The following KNTC1 variants were observed in gnomAD, a reference collection of about 807,000 sequenced individuals.
KNTC1 encodes kinetochore-associated protein 1.
In KNTC1, 253 loss-of-function variants were observed where a neutral mutation model predicts 314.4. That is an observed-to-expected ratio of 0.80 (90% CI 0.73 to 0.89). The LOEUF is 0.89. KNTC1 is among the 40% of genes least tolerant of loss of function. The pLI, the probability that KNTC1 is intolerant of heterozygous loss-of-function variation, is 0.00. For synonymous variants in KNTC1, 901 were observed against 901.4 expected (o/e 1.00, Z 0.01); for missense variants, 2,475 against 2,572.9 (o/e 0.96, Z 0.82).
intron 26 of KNTC1, among the ~76,000 whole-genome samples, chr12:122,573,745 G>A (rs1964847713): frequency 6.6e-6 from 1 of 152,204 alleles, no homozygotes; most frequent in Admixed American, 6.5e-5. Flanking sequence ...GTCACAGATA[G>A]GTGATACAAA....
In KNTC1 at chr12:122,615,092, T is replaced by C; in HGVS notation, c.5973+6T>C. ...AGCTTCTGGGCTTCAATATGGTAAG[T>C]AAGACTCAATGCCCTCGACTAAGTA... is the stretch of plus-strand genomic sequence containing the variant. On this transcript the variant is annotated splice_donor_region_variant and intron_variant, in intron 56 of 63. Transcript: ENST00000333479. 6.3e-7 allele frequency: 1 copy of C among 1,583,600 alleles called. No individual in the cohort carries two copies.
At chr12:122,605,853 T>C (rs935107078) in intron 51 of KNTC1, among the ~76,000 whole-genome samples, 1 of 151,780 alleles carries the variant, frequency 6.6e-6, no homozygotes. Context: ...CTCTTTTGTT[T>C]GTTTTTTAAA....
At chr12:122,567,958 T>C (rs554545889) in intron 20 of KNTC1, among the ~76,000 whole-genome samples, 1 of 152,258 alleles carries the variant, frequency 6.6e-6, no homozygotes, top group African/African-American at 2.4e-5. Flanking sequence ...AGATCCCATC[T>C]CAAAAAAACA....
rs1419369252 is a variant in KNTC1, at chr12:122,585,618, G to T, written c.3535-18G>T. 6.2e-7 allele frequency: 1 copy of T among 1,610,612 alleles called. No homozygotes were observed. The highest frequency in any genetic ancestry group is 8.5e-7 in the Non-Finnish European group (1 of 1,178,898). The stretch of plus-strand genomic sequence containing the variant: ...CAGCGTACTGAGTTCTCTCTTTTTT[G>T]TATGATTTGGCACCTAGGCTTCTTT... On this transcript the variant is annotated intron_variant, in intron 36 of 63. Coordinates refer to ENST00000333479, the MANE Select transcript of KNTC1 (RefSeq NM_014708.6).
intron 3 of KNTC1, among the ~76,000 whole-genome samples, chr12:122,536,813 C>T (rs1327824271): frequency 6.6e-6 from 1 of 152,158 alleles, no homozygotes; most frequent in Admixed American, 6.5e-5. Context: ...CCACTGCACC[C>T]GGCCATTAAA....
chr12:122,573,032 A>G lies in KNTC1; in HGVS notation c.2115A>G (p.Lys705=), dbSNP rs766000420. 3.7e-6 allele frequency: 6 copies of G among 1,611,986 alleles called. No individual in the cohort carries two copies. The highest frequency in any genetic ancestry group is 1.7e-5 in the Admixed American group (1 of 59,638). The change falls in exon 25 of 64, where the codon AAA becomes AAG. Residue 705 remains lysine, a synonymous_variant. Transcript: ENST00000333479. ...LITLHRKYNC[K]LALSDFEKEN... ...CGTTGCATAGGAAGTACAACTGCAAATTAGCCCTCTCTGATTTTGAGAAGG... is the reference window on the plus strand; with the variant it reads ...CGTTGCATAGGAAGTACAACTGCAAGTTAGCCCTCTCTGATTTTGAGAAGG...
chr12:122,623,676 G>A (rs1218638690), intron 62 of KNTC1, among the ~76,000 whole-genome samples: 4 of 152,166 alleles, frequency 2.6e-5, no homozygotes, highest in Admixed American at 6.6e-5. Context: ...CCTCTGTGAA[G>A]TTGATTACAT....
At chr12:122,578,797 T>C (rs1339001339) in intron 31 of KNTC1, among the ~76,000 whole-genome samples, 1 of 152,172 alleles carries the variant, frequency 6.6e-6, no homozygotes, top group Non-Finnish European at 1.5e-5. Flanking sequence ...TTTTTTGCTG[T>C]TGGAAAATGA....
intron 40 of KNTC1, among the ~76,000 whole-genome samples, chr12:122,589,579 T>C (rs1274557287): frequency 2.0e-5 from 3 of 149,206 alleles, no homozygotes; most frequent in African/African-American, 7.4e-5. Context: ...CAAGCAACCC[T>C]CCTGCTGCTC....
intron 53 of KNTC1, chr12:122,611,154 A>G (rs1363947916): frequency 1.3e-5 from 6 of 462,670 alleles, no homozygotes; most frequent in African/African-American, 1.2e-4. Context: ...GTCTGCATTC[A>G]CAGTGGTTAA....
chr12:122,613,846 G>A, intron 55 of KNTC1, 85 bp downstream of exon 55: 1 of 1,361,554 alleles, frequency 7.3e-7, no homozygotes, highest in Non-Finnish European at 9.7e-7. Context: ...TCTTTTTGTT[G>A]TTGTTGTTGT....
At chr12:122,599,715 A>G (rs1360304786) in intron 44 of KNTC1, among the ~76,000 whole-genome samples, 1 of 152,186 alleles carries the variant, frequency 6.6e-6, no homozygotes, top group African/African-American at 2.4e-5. Flanking sequence ...AATTCAGCCA[A>G]AAATTACATA....
rs1593534589 is a variant in KNTC1, at chr12:122,557,404, A to T, written c.1293A>T (p.Ser431=). Residue 431 remains serine (S), a synonymous_variant, in exon 17 of 64, where the codon TCA becomes TCT. Coordinates refer to ENST00000333479, the MANE Select transcript of KNTC1 (RefSeq NM_014708.6). ...TACAGCTTGTTTACAAGGTCAAGTC[A>T]AATCATATATTGGAGAAACTGGCAT... ...LDVELVYKVK[S]NHILEKLALS... 4 of 1,613,454 alleles carry T rather than the reference A, an allele frequency of 2.5e-6. No individual in the cohort carries two copies. The South Asian group carries it at 4.4e-5, about 18-fold the overall frequency.
chr12:122,541,584 A>G (rs1962341774), intron 5 of KNTC1, among the ~76,000 whole-genome samples: 1 of 151,082 alleles, frequency 6.6e-6, no homozygotes, highest in Non-Finnish European at 1.5e-5. Context: ...TGACCTCGTG[A>G]TCTACCTGCC....
At chr12:122,548,303 G>A (rs2137756304) in intron 12 of KNTC1, among the ~76,000 whole-genome samples, 1 of 152,058 alleles carries the variant, frequency 6.6e-6, no homozygotes, top group Middle Eastern at 3.4e-3. Flanking sequence ...CCCACCCCCT[G>A]GGTTCAAACG....
intron 18 of KNTC1, among the ~76,000 whole-genome samples, chr12:122,561,331 A>C (rs1044873519): frequency 1.3e-5 from 2 of 151,878 alleles, no homozygotes; most frequent in African/African-American, 4.8e-5. Context: ...AAAAATAATA[A>C]TAATAATAAA....
At chr12:122,617,964 T>C (rs147942994) in intron 57 of KNTC1, among the ~76,000 whole-genome samples, 104 of 152,330 alleles carry the variant, frequency 6.8e-4, no homozygotes, top group African/African-American at 2.4e-3. Context: ...ACCATCACCA[T>C]TATCTAATTT....
chr12:122,623,501 G>T (rs1177258646), intron 62 of KNTC1, among the ~76,000 whole-genome samples: 11 of 152,134 alleles, frequency 7.2e-5, no homozygotes, highest in Non-Finnish European at 1.5e-5. Context: ...GCCATAATTA[G>T]ATATTGTCAT....
At chr12:122,605,607 G>A (rs536949545) in intron 51 of KNTC1, among the ~76,000 whole-genome samples, 192 bp downstream of exon 51, 9 of 152,268 alleles carry the variant, frequency 5.9e-5, no homozygotes, top group South Asian at 4.1e-4. Flanking sequence ...GTGTAATGGC[G>A]CGGTCTCGGC....
Sources: allele counts gnomAD v4.1 joint callset (sites outside exome capture counted in the v4.1 genomes callset), GRCh38; gene constraint gnomAD v4.1.1; transcripts MANE v1.5; gene names NCBI Gene and HGNC (gene_info 2026-07-23, HGNC 2026-07-21).